SLC25A21: variants seen among roughly 807,000 people sequenced by gnomAD.
The protein encoded by SLC25A21 is mitochondrial 2-oxodicarboxylate carrier.
In SLC25A21, 47 loss-of-function variants were observed where a neutral mutation model predicts 43.8. The ratio of observed to expected loss-of-function variants is 1.07; its 90% CI spans 0.85 to 1.37. The LOEUF (loss-of-function observed/expected upper bound fraction) is 1.37, where lower values mean the gene tolerates loss of function less well. Ranked by LOEUF, SLC25A21 falls within the 40% of genes most tolerant of loss-of-function variation. SLC25A21 has a pLI of 0.00. For missense variants in SLC25A21, 352 were observed against 350.2 expected, an observed-to-expected ratio of 1.00 and a Z score of -0.04; for synonymous variants, 131 against 121.3, an observed-to-expected ratio of 1.08 and a Z score of -0.52.
At chr14:36,991,348 C>T (rs940571249) in intron 1 of SLC25A21, among the ~76,000 whole-genome samples, 1 of 152,124 alleles carries the variant, frequency 6.6e-6, no homozygotes, top group Non-Finnish European at 1.5e-5. Flanking sequence ...TACATTCTGC[C>T]ACGGTGAAGC....
At chr14:36,824,143 C>G (rs887370389) in intron 2 of SLC25A21, among the ~76,000 whole-genome samples, 3 of 152,108 alleles carry the variant, frequency 2.0e-5, no homozygotes, top group African/African-American at 7.2e-5. Context: ...AGTGTACCTA[C>G]TGTATAGCTT....
chr14:37,139,625 G>A (rs978426817), intron 1 of SLC25A21, among the ~76,000 whole-genome samples: 4 of 151,948 alleles, frequency 2.6e-5, no homozygotes, highest in Non-Finnish European at 5.9e-5. Flanking sequence ...CCTTCCTTTA[G>A]GGCAACACTA....
intron 2 of SLC25A21, among the ~76,000 whole-genome samples, chr14:36,858,049 GGGTTATAATTTGACACCT>G (rs1185195851): frequency 6.6e-6 from 1 of 152,186 alleles, no homozygotes; most frequent in Non-Finnish European, 1.5e-5. Context: ...TTGACAAGGA[GGGTTATAATTTGACACCT>G]GGCAAAAATC....
chr14:36,760,159 A>G (rs922424218), intron 3 of SLC25A21, among the ~76,000 whole-genome samples: 12 of 152,136 alleles, frequency 7.9e-5, no homozygotes, highest in Non-Finnish European at 2.9e-5. Flanking sequence ...GTATGTGGAC[A>G]CTACAGTTTC....
intron 2 of SLC25A21, among the ~76,000 whole-genome samples, chr14:36,873,468 G>A (rs528088189): frequency 2.0e-5 from 3 of 152,036 alleles, no homozygotes; most frequent in Admixed American, 1.3e-4. Flanking sequence ...GTTAATTTTT[G>A]TATTTTTAGT....
intron 3 of SLC25A21, among the ~76,000 whole-genome samples, chr14:36,778,418 A>C (rs1037472851): frequency 2.0e-5 from 3 of 152,254 alleles, no homozygotes; most frequent in Non-Finnish European, 4.4e-5. Flanking sequence ...TATGTAGTAC[A>C]GCAACTACTC....
At chr14:37,097,779 G>A (rs917386886) in intron 1 of SLC25A21, 5 of 152,050 alleles carry the variant, frequency 3.3e-5, no homozygotes, top group Admixed American at 1.3e-4. Context: ...AGCTACTCAG[G>A]AGGCTGAGTC....
intron 1 of SLC25A21, among the ~76,000 whole-genome samples, chr14:36,934,787 C>A (rs886574013): frequency 1.3e-5 from 2 of 151,934 alleles, no homozygotes; most frequent in African/African-American, 4.8e-5. Flanking sequence ...ATGTTGGTGT[C>A]TTTTATTCTC....
intron 9 of SLC25A21, 35 bp from the exon 10 acceptor site, chr14:36,680,754 C>T (rs747177644): frequency 6.3e-7 from 1 of 1,592,354 alleles, no homozygotes; most frequent in Non-Finnish European, 8.6e-7. Flanking sequence ...TATTGCAAAT[C>T]CTCTGGAATA....
At chr14:37,132,003 T>C (rs563958367) in intron 1 of SLC25A21, among the ~76,000 whole-genome samples, 2 of 152,170 alleles carry the variant, frequency 1.3e-5, no homozygotes, top group Admixed American at 6.5e-5. Flanking sequence ...GAAAAGAAAT[T>C]TATTTCTCAC....
intron 1 of SLC25A21, among the ~76,000 whole-genome samples, chr14:36,915,026 AT>A (rs199746791): frequency 4.0e-5 from 6 of 151,024 alleles, no homozygotes; most frequent in African/African-American, 9.7e-5. Context: ...AAAACTTACT[AT>A]TTTTTTTTAC....
At chr14:37,029,965 A>G (rs777176031) in intron 1 of SLC25A21, among the ~76,000 whole-genome samples, 5 of 151,712 alleles carry the variant, frequency 3.3e-5, no homozygotes, top group Admixed American at 6.6e-5. Flanking sequence ...AGATTTCACT[A>G]TGTTGTCCAG....
chr14:36,728,775 A>G (rs922074385), intron 5 of SLC25A21, among the ~76,000 whole-genome samples: 1 of 152,192 alleles, frequency 6.6e-6, no homozygotes, highest in African/African-American at 2.4e-5. Flanking sequence ...TACATTGCCA[A>G]TTGGAGGGCC....
At chr14:36,840,199 T>C (rs558233309) in intron 2 of SLC25A21, among the ~76,000 whole-genome samples, 1 of 150,948 alleles carries the variant, frequency 6.6e-6, no homozygotes, top group Non-Finnish European at 1.5e-5. Context: ...TGGTTAAGAA[T>C]AAAAGCGAGG....
chr14:37,107,095 G>T (rs1962928296), intron 1 of SLC25A21, among the ~76,000 whole-genome samples: 1 of 151,960 alleles, frequency 6.6e-6, no homozygotes, highest in African/African-American at 2.4e-5. Flanking sequence ...AATGTTCTTG[G>T]AATAAAAAGA....
intron 1 of SLC25A21, among the ~76,000 whole-genome samples, chr14:37,161,040 T>C (rs913268844): frequency 6.6e-5 from 10 of 150,570 alleles, no homozygotes; most frequent in African/African-American, 2.4e-4. Context: ...ATAAATTCAA[T>C]GTCTCATAGC....
chr14:36,704,486 G>C (rs916185180), intron 7 of SLC25A21, among the ~76,000 whole-genome samples: 1 of 151,952 alleles, frequency 6.6e-6, no homozygotes, highest in Non-Finnish European at 1.5e-5. Flanking sequence ...GTGAAACCCT[G>C]TCTCTACTAA....
At chr14:37,080,080 A>G (rs1404651395) in intron 1 of SLC25A21, among the ~76,000 whole-genome samples, 1 of 152,208 alleles carries the variant, frequency 6.6e-6, no homozygotes, top group Non-Finnish European at 1.5e-5. Context: ...CCCAGCGTAC[A>G]GAACTGAGAA....
intron 2 of SLC25A21, among the ~76,000 whole-genome samples, chr14:36,818,243 A>C (rs567399541): frequency 4.3e-4 from 66 of 152,326 alleles, no homozygotes; most frequent in Non-Finnish European, 8.1e-4. Context: ...GGGGAAATAA[A>C]GAAAGACTAT....
Sources: allele counts gnomAD v4.1 joint callset (sites outside exome capture counted in the v4.1 genomes callset), GRCh38; gene constraint gnomAD v4.1.1; transcripts MANE v1.5; gene names NCBI Gene and HGNC (gene_info 2026-07-23, HGNC 2026-07-21).